The following CNNM4 variants were observed in gnomAD, a reference collection of about 807,000 sequenced individuals.
CNNM4 encodes cyclin and CBS domain divalent metal cation transport mediator 4.
In CNNM4, 32 loss-of-function variants were observed where a neutral mutation model predicts 53.7. The observed-to-expected ratio is 0.60, with a 90% CI of 0.45 to 0.80. CNNM4 has a LOEUF of 0.80. Ranked by LOEUF, CNNM4 falls within the 30% of genes least tolerant of loss-of-function variation. The pLI is 0.00. For synonymous variants in CNNM4, 410 were observed against 440.0 expected (o/e 0.93, Z 0.85); for missense variants, 784 against 1,022.0 (o/e 0.77, Z 3.17).
Position 96,761,052 on chromosome 2 carries a change from G to A in CNNM4, c.53G>A (p.Arg18His). The change falls in exon 1 of 7, where the codon CGC becomes CAC. Residue 18 changes from arginine (R) to histidine (H), a missense_variant. This residue lies in a region of CNNM4 where 473 missense variants were observed against 624.6 expected (regional missense o/e 0.76). Transcript: ENST00000377075. This position sits in a 1 kb window ranked among gnomAD's most constrained non-coding sequence, Gnocchi z 6.0. ...GRPVGGPARG[R>H]LLLAAPVLLV... ...CCGGTCGGCGGACCGGCCCGCGGGC[G>A]CCTCCTCCTGGCGGCGCCGGTGCTG... 2 of 1,242,902 alleles carry A rather than the reference G, an allele frequency of 1.6e-6. No individual in the cohort carries two copies. The highest frequency in any genetic ancestry group is 4.0e-5 in the South Asian group (1 of 25,184). The allele number at this position is 1,242,902 out of a possible 1,614,324, so 77.0% of individuals were successfully genotyped here. A position where few individuals can be genotyped will look rare whatever the true frequency, so the allele number is the denominator to read the frequency against.
At chr2:96,789,169 C>G (rs1344445957) in intron 1 of CNNM4, among the ~76,000 whole-genome samples, 1 of 152,036 alleles carries the variant, frequency 6.6e-6, no homozygotes, top group Non-Finnish European at 1.5e-5. Flanking sequence ...AGGCTGCAGC[C>G]TGGTCAGTGG....
At chr2:96,766,996 G>A (rs557038619) in intron 1 of CNNM4, among the ~76,000 whole-genome samples, 2 of 152,258 alleles carry the variant, frequency 1.3e-5, no homozygotes, top group African/African-American at 4.8e-5. Flanking sequence ...GTGATGCATG[G>A]TTCCTCTCCA....
At chr2:96,775,051 G>A (rs1184341170) in intron 1 of CNNM4, among the ~76,000 whole-genome samples, 2 of 130,362 alleles carry the variant, frequency 1.5e-5, no homozygotes, top group African/African-American at 5.6e-5. Context: ...GCTAAAAAAT[G>A]TACTGTCAGT....
Position 96,761,975 on chromosome 2 carries a change from T to A in CNNM4, c.976T>A (p.Phe326Ile), listed in dbSNP as rs1367536688. 4 of 1,613,992 alleles carry A rather than the reference T, an allele frequency of 2.5e-6. No homozygotes were observed. In the African/African-American group the frequency reaches 5.3e-5, roughly 22 times the overall value. Residue 326 changes from phenylalanine to isoleucine, a missense_variant, in exon 1 of 7, where the codon TTT (phenylalanine) becomes ATT (isoleucine). This residue lies in a region of CNNM4 where 473 missense variants were observed against 624.6 expected (regional missense o/e 0.76). Transcript: ENST00000377075. The surrounding 1 kb of genome is among the most constrained non-coding windows in gnomAD (Gnocchi z 6.0). ...LSFPISKLLD[F>I]FLGQEIRTVY... ...TTTTCCCATTAGCAAGCTCCTGGAC[T>A]TTTTTCTGGGCCAGGAGATTCGCAC...
chr2:96,775,456 T>C lies in CNNM4; in HGVS notation c.1402+13055T>C, dbSNP rs73960679. On this transcript the variant is annotated intron_variant, in intron 1 of 6. Coordinates refer to ENST00000377075, the MANE Select transcript of CNNM4 (RefSeq NM_020184.4). ...AACCAGTAATATTGTTGATGGACAT[T>C]GCATTGTTTGCAGTTTGGGACTATT... Among the ~76,000 whole-genome samples the C allele has an allele frequency of 3.3e-3, 507 of 152,356 alleles. 2 individuals carry two copies. The highest frequency in any genetic ancestry group is 0.014 in the Middle Eastern group (4 of 294).
intron 5 of CNNM4, among the ~76,000 whole-genome samples, chr2:96,806,534 C>A (rs1238987267): frequency 8.6e-6 from 1 of 116,876 alleles, no homozygotes; most frequent in Non-Finnish European, 2.0e-5. Flanking sequence ...CACACACACA[C>A]ACGCGCGCGC....
intron 1 of CNNM4, among the ~76,000 whole-genome samples, chr2:96,794,398 TTCTGGACGCTTCC>T (rs1313230482): frequency 6.6e-6 from 1 of 152,184 alleles, no homozygotes; most frequent in African/African-American, 2.4e-5. Context: ...CTCTTACTAC[TTCTGGACGCTTCC>T]AGGGCAGTTC....
In CNNM4 at chr2:96,761,169, C is replaced by T; in HGVS notation, c.170C>T (p.Ser57Leu). 3 of 1,611,622 alleles carry T rather than the reference C, an allele frequency of 1.9e-6. No homozygotes were observed. The highest frequency in any genetic ancestry group is 2.5e-6 in the Non-Finnish European group (3 of 1,178,154). The part of the protein sequence containing the change: ...VGMRLASCNK[S>L]CGTNPDGIIF... ...ATGAGGCTGGCGAGCTGCAACAAGTCGTGTGGGACGAACCCGGATGGCATC... is the reference window on the plus strand; with the variant it reads ...ATGAGGCTGGCGAGCTGCAACAAGTTGTGTGGGACGAACCCGGATGGCATC... Residue 57 changes from serine (S) to leucine (L), a missense_variant, in exon 1 of 7, where the codon TCG becomes TTG. Physicochemically the swap from Ser to Leu is moderately radical, Grantham distance 145. This residue lies in a region of CNNM4 where 473 missense variants were observed against 624.6 expected (regional missense o/e 0.76). Coordinates refer to ENST00000377075, the MANE Select transcript of CNNM4 (RefSeq NM_020184.4). This position sits in a 1 kb window ranked among gnomAD's most constrained non-coding sequence, Gnocchi z 6.0.
rs1228687290 is a variant in CNNM4 at position 96,811,120 on chromosome 2, G to A, written c.*1603G>A. 3 of 152,230 alleles carry A rather than the reference G, an allele frequency of 2.0e-5. No individual in the cohort carries two copies. Among genetic ancestry groups the A allele is most frequent in the East Asian group, 1.9e-4 (1 of 5,198 alleles). The allele number at this position is 152,230 out of a possible 1,614,324, so 9.4% of individuals were successfully genotyped here. The stretch of plus-strand genomic sequence containing the variant: ...GAGTATCCTAACTCTTAGGACCAGG[G>A]ATTGTCTTGCACCAAGTATGCCTAC... On this transcript the variant is annotated 3_prime_UTR_variant, in exon 7 of 7. Coordinates refer to ENST00000377075, the MANE Select transcript of CNNM4 (RefSeq NM_020184.4).
chr2:96,809,566 G>A lies in CNNM4; in HGVS notation c.*49G>A. 5 of 1,535,620 alleles carry A rather than the reference G, an allele frequency of 3.3e-6. No individual in the cohort carries two copies. The highest frequency in any genetic ancestry group is 4.5e-6 in the Non-Finnish European group (5 of 1,110,106). On this transcript the variant is annotated 3_prime_UTR_variant, in exon 7 of 7. Transcript: ENST00000377075. ...CCACCCTGCGGGGGCCTCCCCAGTG[G>A]GCCCACATGAAGAGAGGGAACCTGT...
intron 1 of CNNM4, among the ~76,000 whole-genome samples, chr2:96,784,009 G>A (rs899626363): frequency 1.3e-5 from 2 of 152,118 alleles, no homozygotes; most frequent in Non-Finnish European, 2.9e-5. Flanking sequence ...AGTTATCTTT[G>A]GAAGGCAGGA....
At chr2:96,787,046 G>T (rs1029685913) in intron 1 of CNNM4, among the ~76,000 whole-genome samples, 1 of 152,206 alleles carries the variant, frequency 6.6e-6, no homozygotes, top group Non-Finnish European at 1.5e-5. Flanking sequence ...ACCGTCTCTT[G>T]AGATAAATTC....
chr2:96,802,332 C>G (rs1268772948), intron 5 of CNNM4, among the ~76,000 whole-genome samples: 1 of 152,274 alleles, frequency 6.6e-6, no homozygotes, highest in Non-Finnish European at 1.5e-5. Flanking sequence ...GCCTGCTGCC[C>G]TCCACGGCCA....
intron 1 of CNNM4, among the ~76,000 whole-genome samples, chr2:96,783,297 C>T (rs551128458): frequency 1.3e-5 from 2 of 152,262 alleles, no homozygotes; most frequent in East Asian, 1.9e-4. Context: ...GAGAAAATGC[C>T]AGAGGTGCTT....
chr2:96,772,206 A>G (rs545471206), intron 1 of CNNM4, among the ~76,000 whole-genome samples: 2 of 150,316 alleles, frequency 1.3e-5, no homozygotes, highest in South Asian at 2.1e-4. Context: ...ACTCCCACCT[A>G]TGCTCACACA....
intron 1 of CNNM4, among the ~76,000 whole-genome samples, chr2:96,764,885 G>A (rs1264286650): frequency 6.6e-6 from 1 of 151,886 alleles, no homozygotes; most frequent in African/African-American, 2.4e-5. Flanking sequence ...TAGTCAGGAG[G>A]CTGAGGCAGG....
At chr2:96,805,440 A>AAATTTT (rs2079194974) in intron 5 of CNNM4, among the ~76,000 whole-genome samples, 1 of 87,482 alleles carries the variant, frequency 1.1e-5, no homozygotes, top group Non-Finnish European at 2.2e-5. Context: ...TTTTTTTTTT[A>AAATTTT]TTATTTTTTT....
In CNNM4 at chr2:96,810,631, A is replaced by G. The variant is rs1398103231; in HGVS notation, c.*1114A>G. 1 of 152,396 alleles carries G rather than the reference A, an allele frequency of 6.6e-6. No homozygotes were observed. The highest frequency in any genetic ancestry group is 2.4e-5 in the African/African-American group (1 of 41,416). 9.4% of individuals were successfully genotyped at this position (152,396 alleles called of 1,614,324 possible). A position where few individuals can be genotyped will look rare whatever the true frequency, so the allele number is the denominator to read the frequency against. ...GCTTCAGTCCCTCTTGGGGGTGGAGACAAGAGGACATGTGGGAAGCCACGG... is the reference window on the plus strand; with the variant it reads ...GCTTCAGTCCCTCTTGGGGGTGGAGGCAAGAGGACATGTGGGAAGCCACGG... On this transcript the variant is annotated 3_prime_UTR_variant, in exon 7 of 7. Coordinates refer to ENST00000377075, the MANE Select transcript of CNNM4 (RefSeq NM_020184.4). The surrounding 1 kb of genome is among the most constrained non-coding windows in gnomAD (Gnocchi z 4.1).
chr2:96,804,100 A>C (rs186430984), intron 5 of CNNM4, among the ~76,000 whole-genome samples: 2 of 151,374 alleles, frequency 1.3e-5, no homozygotes, highest in Non-Finnish European at 2.9e-5. Flanking sequence ...TGGGGGTCTC[A>C]CTATGTTGTC....
Sources: allele counts gnomAD v4.1 joint callset (sites outside exome capture counted in the v4.1 genomes callset), GRCh38; gene constraint gnomAD v4.1.1; regional missense constraint gnomAD v4.1.1; non-coding constraint Gnocchi (gnomAD v3.1); transcripts MANE v1.5; gene names NCBI Gene and HGNC (gene_info 2026-07-23, HGNC 2026-07-21).